The following ATP6V0A4 variants were observed in gnomAD, a reference collection of about 807,000 sequenced individuals.
ATP6V0A4 encodes the protein V-type proton ATPase 116 kDa subunit a 4.
A neutral mutation model predicts 107.3 loss-of-function variants in ATP6V0A4; 86 were observed. That is an observed-to-expected ratio of 0.80 (90% CI 0.67 to 0.96). ATP6V0A4 has a LOEUF of 0.96. Among genes scored for constraint, ATP6V0A4 ranks in the 40% least tolerant of loss-of-function variants. The probability of loss-of-function intolerance (pLI) is 0.00; values close to 1 mark genes in which losing one functional copy is unlikely to be tolerated. For missense variants in ATP6V0A4, 908 were observed against 1,045.6 expected, an observed-to-expected ratio of 0.87 and a Z score of 1.81; for synonymous variants, 353 against 381.4, an observed-to-expected ratio of 0.93 and a Z score of 0.87.
intron 11 of ATP6V0A4, 51 bp from the exon 12 acceptor site, chr7:138,749,368 T>C (rs1020543623): frequency 6.3e-7 from 1 of 1,595,786 alleles, no homozygotes; most frequent in Non-Finnish European, 8.5e-7. Flanking sequence ...AGTCTTGGGC[T>C]GGGTGTCAGC....
chr7:138,771,364 A>T, intron 2 of ATP6V0A4, 100 bp from the exon 3 acceptor site: 1 of 1,387,148 alleles, frequency 7.2e-7, no homozygotes, highest in Non-Finnish European at 9.8e-7. Flanking sequence ...AACAGGGAAA[A>T]AAAATCCATT....
chr7:138,750,792 GT>G (rs1806184338), intron 11 of ATP6V0A4, among the ~76,000 whole-genome samples: 1 of 152,216 alleles, frequency 6.6e-6, no homozygotes, highest in African/African-American at 2.4e-5. Flanking sequence ...CATTTAGGTG[GT>G]TTTTGGACCA....
intron 6 of ATP6V0A4, 138 bp from the exon 7 acceptor site, chr7:138,762,572 G>A: frequency 1.4e-6 from 2 of 1,456,768 alleles, no homozygotes; most frequent in Non-Finnish European, 1.8e-6. Context: ...AAAACAGAGT[G>A]CTCCTGGCCA....
chr7:138,746,353 G>T (rs1222121108), intron 13 of ATP6V0A4, among the ~76,000 whole-genome samples: 1 of 151,970 alleles, frequency 6.6e-6, no homozygotes, highest in Non-Finnish European at 1.5e-5. Flanking sequence ...AAGTGCTGAC[G>T]TGTAACTCTG....
At chr7:138,747,389 A>T (rs1806002168) in intron 13 of ATP6V0A4, 36 bp downstream of exon 13, 1 of 1,605,430 alleles carries the variant, frequency 6.2e-7, no homozygotes, top group African/African-American at 1.3e-5. Flanking sequence ...CATATTCTGA[A>T]AATGAATCAG....
chr7:138,751,068 T>C (rs1363560503), intron 11 of ATP6V0A4, among the ~76,000 whole-genome samples: 1 of 152,098 alleles, frequency 6.6e-6, no homozygotes, highest in Non-Finnish European at 1.5e-5. Flanking sequence ...TTTCTTCAGA[T>C]AACACGAGAT....
At position 138,737,579 on chromosome 7, in the gene ATP6V0A4, CTTT is replaced by C. The variant is rs373540257; in HGVS notation, c.1572+1958_1572+1960del. ...AAAGGCAACTCCCGCTTTTCTTTTT[CTTT>C]TTTTTTTTTTTTTTTTTTGAGAAGA... On this transcript the variant is annotated intron_variant, in intron 15 of 21. Coordinates refer to ENST00000310018, the MANE Select transcript of ATP6V0A4 (RefSeq NM_020632.3). Among the ~76,000 whole-genome samples, 103 of 134,638 alleles carry C rather than the reference CTTT, an allele frequency of 7.7e-4. 4 individuals are homozygous for C. Among genetic ancestry groups the C allele is most frequent in the African/African-American group, 2.2e-3 (79 of 36,594 alleles). The allele number at this position is 134,638 out of a possible 152,430, so 88.3% of individuals were successfully genotyped here.
At chr7:138,774,305 G>A (rs1807538343) in intron 2 of ATP6V0A4, among the ~76,000 whole-genome samples, 2 of 152,078 alleles carry the variant, frequency 1.3e-5, no homozygotes, top group African/African-American at 2.4e-5. Context: ...GGGGCCGGGC[G>A]CCGTGGCTCA....
Position 138,798,196 on chromosome 7 carries a change from T to G in ATP6V0A4, c.-283A>C. The G allele has an allele frequency of 6.3e-7, 1 of 1,582,250 alleles. No homozygotes were observed. Among genetic ancestry groups the G allele is most frequent in the Non-Finnish European group, 8.6e-7 (1 of 1,164,576 alleles). ...TCGGCTTGCTCGGCAGGTAGCGTTA[T>G]GAGCTTTATTCATGGCCAGGCTGGG... On this transcript the variant is annotated 5_prime_UTR_variant, in exon 1 of 22. Coordinates refer to ENST00000310018, the MANE Select transcript of ATP6V0A4 (RefSeq NM_020632.3).
At chr7:138,786,579 A>AG (rs1240058724) in intron 1 of ATP6V0A4, among the ~76,000 whole-genome samples, 1 of 116,936 alleles carries the variant, frequency 8.6e-6, no homozygotes, top group Non-Finnish European at 2.0e-5. Flanking sequence ...ACCTTGTCTC[A>AG]GGAAAAAAAA....
intron 2 of ATP6V0A4, among the ~76,000 whole-genome samples, chr7:138,772,488 G>A (rs1174658102): frequency 6.6e-6 from 1 of 152,106 alleles, no homozygotes; most frequent in African/African-American, 2.4e-5. Flanking sequence ...AGTTAGGTTA[G>A]CCAAAACTGA....
chr7:138,747,595 C>A, intron 12 of ATP6V0A4, 31 bp from the exon 13 acceptor site: 2 of 1,612,160 alleles, frequency 1.2e-6, no homozygotes, highest in East Asian at 2.2e-5. Context: ...ACGCCTGAGG[C>A]CTCAGCACAG....
At position 138,747,542 on chromosome 7, in the gene ATP6V0A4, G is replaced by T; in HGVS notation, c.1203C>A (p.Phe401Leu). Residue 401 changes from phenylalanine to leucine, a missense_variant, in exon 13 of 22, where the codon TTC becomes TTA. Transcript: ENST00000310018. ...INPAPYTIIT[F>L]PFLFAVMFGD... ...CAAACATCACAGCGAACAGGAAGGG[G>T]AAAGTGATGATGGTGTAGGGGGCTG... The T allele has an allele frequency of 1.9e-6, 3 of 1,614,134 alleles. No individual in the cohort carries two copies. The highest frequency in any genetic ancestry group is 1.3e-5 in the African/African-American group (1 of 75,052).
At chr7:138,749,057 G>T in intron 12 of ATP6V0A4, 110 bp downstream of exon 12, 3 of 1,394,720 alleles carry the variant, frequency 2.2e-6, no homozygotes, top group Non-Finnish European at 2.0e-6. Flanking sequence ...TACTACCCTA[G>T]CCCCAAGCCT....
intron 9 of ATP6V0A4, 146 bp from the exon 10 acceptor site, chr7:138,755,928 G>C: frequency 6.9e-6 from 10 of 1,445,944 alleles, no homozygotes; most frequent in Non-Finnish European, 9.3e-6. Flanking sequence ...ACTGGAAAAG[G>C]AGTCCCAGTC....
At chr7:138,762,576 C>T in intron 6 of ATP6V0A4, 142 bp from the exon 7 acceptor site, 1 of 1,441,142 alleles carries the variant, frequency 6.9e-7, no homozygotes, top group South Asian at 1.3e-5. Flanking sequence ...CAGAGTGCTC[C>T]TGGCCAGATC....
intron 2 of ATP6V0A4, 35 bp from the exon 3 acceptor site, chr7:138,771,299 A>C (rs1233250062): frequency 6.2e-7 from 1 of 1,607,790 alleles, no homozygotes; most frequent in East Asian, 2.2e-5. Context: ...TTAATATTTA[A>C]GGTAATAAAT....
At chr7:138,771,376 G>C (rs1807378816) in intron 2 of ATP6V0A4, 112 bp from the exon 3 acceptor site, 1 of 1,254,400 alleles carries the variant, frequency 8.0e-7, no homozygotes, top group East Asian at 2.6e-5. Context: ...AAATCCATTA[G>C]GAATCACTTC....
intron 11 of ATP6V0A4, among the ~76,000 whole-genome samples, chr7:138,752,082 C>T (rs988623840): frequency 1.3e-5 from 2 of 152,086 alleles, no homozygotes; most frequent in Non-Finnish European, 2.9e-5. Context: ...CATTAATGCT[C>T]AGTATGGCCG....
Sources: gnomAD v4.1 joint callset for allele counts (sites outside exome capture counted in the v4.1 genomes callset) on GRCh38, gnomAD v4.1.1 for gene constraint, MANE v1.5 for transcripts, NCBI Gene and HGNC (gene_info 2026-07-23, HGNC 2026-07-21) for gene names.